Variants in CLSPN observed in about 807,000 individuals in gnomAD.
CLSPN encodes the protein claspin homolog.
In CLSPN, 85 loss-of-function variants were observed where a neutral mutation model predicts 156.3. The ratio of observed to expected loss-of-function variants is 0.54; its 90% confidence interval spans 0.46 to 0.65. The LOEUF (loss-of-function observed/expected upper bound fraction) is 0.65, where lower values mean the gene tolerates loss of function less well. Among genes scored for constraint, CLSPN ranks in the 30% least tolerant of loss-of-function variants. The pLI is 0.00. For missense variants in CLSPN, 1,407 were observed against 1,554.9 expected, an observed-to-expected ratio of 0.90 and a Z score of 1.60; for synonymous variants, 534 against 542.4, an observed-to-expected ratio of 0.98 and a Z score of 0.22.
intron 12 of CLSPN, 34 bp from the exon 13 acceptor site, chr1:35,748,638 T>G: frequency 1.3e-6 from 2 of 1,560,856 alleles, no homozygotes; most frequent in Non-Finnish European, 1.8e-6. Flanking sequence ...AAGCACATGA[T>G]TACAGAAATA....
intron 8 of CLSPN, among the ~76,000 whole-genome samples, chr1:35,757,262 A>C (rs1642302542): frequency 6.6e-6 from 1 of 152,130 alleles, no homozygotes; most frequent in East Asian, 1.9e-4. Context: ...TATCACTCCT[A>C]TTACACTTCA....
In CLSPN at chr1:35,736,250, A is replaced by G. The variant is rs902111601; in HGVS notation, c.*246T>C. 3.5e-5 allele frequency: 39 copies of G among 1,120,076 alleles called. No homozygotes were observed. Among genetic ancestry groups the G allele is most frequent in the Middle Eastern group, 7.6e-4 (2 of 2,628 alleles). The allele number at this position is 1,120,076 out of a possible 1,614,324, so 69.4% of individuals were successfully genotyped here. A position where few individuals can be genotyped will look rare whatever the true frequency, so the allele number is the denominator to read the frequency against. On this transcript the variant is annotated 3_prime_UTR_variant, in exon 25 of 25. Coordinates refer to ENST00000318121, the MANE Select transcript of CLSPN (RefSeq NM_022111.4). ...AAAAAAAAAAAGGAAACCTCACCCA[A>G]GTATTCCATGAGTTGTTGATGTTGT...
At position 35,734,019 on chromosome 1, in the gene CLSPN, A is replaced by G; in HGVS notation, c.*2477T>C. 2 of 985,382 alleles carry G rather than the reference A, an allele frequency of 2.0e-6. No individual in the cohort carries two copies. Among genetic ancestry groups the G allele is most frequent in the Non-Finnish European group, 1.2e-6 (1 of 829,888 alleles). The allele number at this position is 985,382 out of a possible 1,614,324, so 61.0% of individuals were successfully genotyped here. On this transcript the variant is annotated 3_prime_UTR_variant, in exon 25 of 25. Coordinates refer to ENST00000318121, the MANE Select transcript of CLSPN (RefSeq NM_022111.4). ...TAAACAAAGAGCTATAATAGAAGGT[A>G]CCATTTATGTAAACTCAATTATCCT...
chr1:35,760,433 T>C lies in CLSPN; in HGVS notation c.1488A>G (p.Arg496=), dbSNP rs752185786. Residue 496 remains arginine, a synonymous_variant, in exon 8 of 25, where the codon AGA becomes AGG. Transcript: ENST00000318121. ...PEKVRRFTLD[R]LKQLGVDVSI... Reference sequence around the variant, plus strand: ...AAACATCTACTCCCAGTTGCTTAAGTCTATCCAGAGTAAACCGTCTCACTT... The same window carrying C: ...AAACATCTACTCCCAGTTGCTTAAGCCTATCCAGAGTAAACCGTCTCACTT... The C allele has an allele frequency of 1.2e-6, 2 of 1,614,212 alleles. No homozygotes were observed. The highest frequency in any genetic ancestry group is 2.2e-5 in the South Asian group (2 of 91,082).
intron 20 of CLSPN, 112 bp downstream of exon 20, chr1:35,739,024 C>T (rs1641590629): frequency 7.8e-7 from 1 of 1,281,994 alleles, no homozygotes; most frequent in Admixed American, 2.1e-5. Context: ...TGGTCCTGAA[C>T]TCCTGACCTT....
In CLSPN at chr1:35,743,145, G is replaced by A; in HGVS notation, c.3139C>T (p.Gln1047Ter). Reference sequence around the variant, plus strand: ...GGACATATTAATAACACGTACATTTGCCTTTTCAACTTCTCAGATCGCTTC... The same window carrying A: ...GGACATATTAATAACACGTACATTTACCTTTTCAACTTCTCAGATCGCTTC... The part of the protein sequence containing the change: ...LLKRSEKLKR[Q>*]MRLRKYLEDE... Residue 1047 changes from glutamine (Q) to a stop codon, truncating the protein, a stop_gained, in exon 18 of 25, where the codon CAA becomes TAA. Coordinates refer to ENST00000318121, the MANE Select transcript of CLSPN (RefSeq NM_022111.4). LOFTEE classifies it high-confidence loss of function. The A allele has an allele frequency of 1.9e-6, 3 of 1,612,256 alleles. No individual in the cohort carries two copies. Among genetic ancestry groups the A allele is most frequent in the Non-Finnish European group, 2.5e-6 (3 of 1,178,462 alleles).
chr1:35,740,460 C>T (rs1251657818), intron 18 of CLSPN, among the ~76,000 whole-genome samples: 2 of 151,390 alleles, frequency 1.3e-5, no homozygotes, highest in Non-Finnish European at 2.9e-5. Flanking sequence ...GCTCTGTCGC[C>T]TAGGCTGGAG....
chr1:35,765,994 CT>C (rs549426437), intron 1 of CLSPN, among the ~76,000 whole-genome samples: 1 of 106,484 alleles, frequency 9.4e-6, no homozygotes, highest in Non-Finnish European at 1.7e-5. Flanking sequence ...CTCTCTCTCT[CT>C]TTTTTTTTTT....
chr1:35,769,220 G>C (rs1462276937), intron 1 of CLSPN, among the ~76,000 whole-genome samples: 15 of 152,324 alleles, frequency 9.8e-5, no homozygotes, highest in Non-Finnish European at 1.5e-5. Flanking sequence ...TAAGGCGGGA[G>C]TGCCTTGCCC....
chr1:35,741,302 A>G (rs1371775700), intron 18 of CLSPN, among the ~76,000 whole-genome samples: 1 of 152,108 alleles, frequency 6.6e-6, no homozygotes, highest in African/African-American at 2.4e-5. Flanking sequence ...GTTTTTATTT[A>G]TATCTTTCTG....
chr1:35,738,085 TC>T lies in CLSPN; in HGVS notation c.3570del (p.Ile1192LeufsTer16). The stretch of plus-strand genomic sequence containing the variant: ...TCTTCTTCTTCTTCAGCTGTAATTT[TC>T]CCCTGCTGTGCCTGAAAAAAAAAAA... ...EQWLRDMAQQGKITAEEEEEI... is the reference protein window; with the variant it reads ...EQWLRDMAQQXKITAEEEEEI... On this transcript the variant is annotated frameshift_variant, in exon 22 of 25. Transcript: ENST00000318121. LOFTEE classifies it high-confidence loss of function. 7.4e-7 allele frequency: 1 copy of T among 1,347,526 alleles called. No individual in the cohort carries two copies. Among genetic ancestry groups the T allele is most frequent in the Non-Finnish European group, 9.8e-7 (1 of 1,022,584 alleles). 83.5% of individuals were successfully genotyped at this position (1,347,526 alleles called of 1,614,324 possible). A position where few individuals can be genotyped will look rare whatever the true frequency, so the allele number is the denominator to read the frequency against.
intron 22 of CLSPN, 141 bp downstream of exon 22, chr1:35,737,851 A>G (rs961355517): frequency 3.0e-5 from 14 of 459,896 alleles, no homozygotes; most frequent in Non-Finnish European, 5.0e-5. Flanking sequence ...GTCTCCCACC[A>G]CCTCTGTGAA....
intron 24 of CLSPN, among the ~76,000 whole-genome samples, chr1:35,725,451 GA>G (rs2148606339): frequency 6.6e-6 from 1 of 152,246 alleles, no homozygotes; most frequent in African/African-American, 2.4e-5. Flanking sequence ...AGGAAAGAGA[GA>G]AGGGGGTGCC....
rs114727604 is a variant in CLSPN, at chr1:35,760,831, C to T, written c.1090G>A (p.Gly364Ser). The change falls in exon 8 of 25, where the codon GGT (glycine) becomes AGT (serine). Residue 364 changes from glycine to serine, a missense_variant. Transcript: ENST00000318121. ...TEMNSDHHSK[G>S]SEQTTGAENE... ...TCTGCACCTGTTGTCTGCTCAGAAC[C>T]TTTACTATGGTGATCACTGTTCATT... The T allele has an allele frequency of 1.4e-5, 22 of 1,613,770 alleles. No individual in the cohort carries two copies. The highest frequency in any genetic ancestry group is 8.9e-5 in the East Asian group (4 of 44,896).
rs767175861 is a variant in CLSPN, at chr1:35,747,006, A to G, written c.2628-14T>C. The G allele has an allele frequency of 6.2e-7, 1 of 1,601,046 alleles. No individual in the cohort carries two copies. Among genetic ancestry groups the G allele is most frequent in the Non-Finnish European group, 8.6e-7 (1 of 1,168,322 alleles). On this transcript the variant is annotated splice_polypyrimidine_tract_variant and intron_variant, in intron 14 of 24. Coordinates refer to ENST00000318121, the MANE Select transcript of CLSPN (RefSeq NM_022111.4). ...ACATTTAAGAACCTAAGAACCAATGAGCACAACGAATAGTGTAAAAAATTC... is the reference window on the plus strand; with the variant it reads ...ACATTTAAGAACCTAAGAACCAATGGGCACAACGAATAGTGTAAAAAATTC...
In CLSPN at chr1:35,735,670, T is replaced by G; in HGVS notation, c.*826A>C. ...TTGCCGTGAGCCGAGATTGCGCCAC[T>G]GCACTCCAGACTGGGCAACAAAGTG... On this transcript the variant is annotated 3_prime_UTR_variant, in exon 25 of 25. Transcript: ENST00000318121. 1.1e-6 allele frequency: 1 copy of G among 949,550 alleles called. No individual in the cohort carries two copies. Among genetic ancestry groups the G allele is most frequent in the Non-Finnish European group, 1.3e-6 (1 of 798,414 alleles). 58.8% of individuals were successfully genotyped at this position (949,550 alleles called of 1,614,324 possible).
intron 7 of CLSPN, 43 bp from the exon 8 acceptor site, chr1:35,760,959 T>C (rs376113312): frequency 1.3e-6 from 2 of 1,502,586 alleles, no homozygotes; most frequent in South Asian, 1.2e-5. Context: ...TTATCCTAAA[T>C]GTGAAACATT....
chr1:35,721,295 T>C (rs1437454010), intron 24 of CLSPN, among the ~76,000 whole-genome samples: 2 of 152,150 alleles, frequency 1.3e-5, no homozygotes, highest in South Asian at 2.1e-4. Context: ...CCTTCTCCTA[T>C]TCCTCTAGTG....
At chr1:35,726,867 G>C (rs555966660) in intron 24 of CLSPN, among the ~76,000 whole-genome samples, 1 of 152,296 alleles carries the variant, frequency 6.6e-6, no homozygotes, top group East Asian at 1.9e-4. Flanking sequence ...ACTAAGGCCT[G>C]GACAGTTTAA....
Sources: allele counts gnomAD v4.1 joint callset (sites outside exome capture counted in the v4.1 genomes callset), GRCh38; gene constraint gnomAD v4.1.1; transcripts MANE v1.5; gene names NCBI Gene and HGNC (gene_info 2026-07-23, HGNC 2026-07-21).